The following CNTLN variants were observed in gnomAD, a reference collection of about 807,000 sequenced individuals.
The protein encoded by CNTLN is centlein.
In CNTLN, 212 loss-of-function variants were observed where a neutral mutation model predicts 180.0. The ratio of observed to expected loss-of-function variants is 1.18; its 90% CI spans 1.05 to 1.32. CNTLN has a LOEUF of 1.32. Among genes scored for constraint, CNTLN ranks in the 40% most tolerant of loss-of-function variants. The pLI, the probability that CNTLN is intolerant of heterozygous loss-of-function variation, is 0.00. For missense variants in CNTLN, 2,095 were observed against 1,610.9 expected (o/e 1.30, Z -5.14); for synonymous variants, 722 against 563.1 (o/e 1.28, Z -3.99).
At chr9:17,518,622 C>T in the CNTLN span, among the ~76,000 whole-genome samples, 4 of 152,038 alleles carry the variant, frequency 2.6e-5, no homozygotes, top group Non-Finnish European at 5.9e-5. Context: ...GTCAGCTCTC[C>T]CTCTGTCCTA....
chr9:17,512,883 C>G, the CNTLN span, among the ~76,000 whole-genome samples: 1 of 152,118 alleles, frequency 6.6e-6, no homozygotes. Context: ...GTGGCGCGAT[C>G]TCAGCTCACT....
chr9:17,353,393 T>C (rs1390649164), intron 12 of CNTLN, among the ~76,000 whole-genome samples: 1 of 151,892 alleles, frequency 6.6e-6, no homozygotes, highest in African/African-American at 2.4e-5. Context: ...TGGTCTGTTT[T>C]TGTTTTGTAT....
At chr9:17,204,803 C>G (rs1014020267) in intron 2 of CNTLN, among the ~76,000 whole-genome samples, 1 of 152,204 alleles carries the variant, frequency 6.6e-6, no homozygotes, top group Non-Finnish European at 1.5e-5. Flanking sequence ...CCCCTCCCCC[C>G]AGGTGCTCTG....
chr9:17,325,378 A>ATGTGTGTG (rs74311460), intron 8 of CNTLN, among the ~76,000 whole-genome samples: 10 of 128,174 alleles, frequency 7.8e-5, no homozygotes, highest in African/African-American at 3.0e-4. Flanking sequence ...ATGTGTATGT[A>ATGTGTGTG]TGTGTGTGTG....
At chr9:17,261,458 A>T (rs1286466855) in intron 5 of CNTLN, among the ~76,000 whole-genome samples, 1 of 151,130 alleles carries the variant, frequency 6.6e-6, no homozygotes, top group Non-Finnish European at 1.5e-5. Context: ...ATTGTGTTTG[A>T]TTTGCTTTGC....
In CNTLN at chr9:17,301,034, T is replaced by C. The variant is rs983920463; in HGVS notation, c.1146+2682T>C. On this transcript the variant is annotated intron_variant, in intron 7 of 25. Coordinates refer to ENST00000380647, the MANE Select transcript of CNTLN (RefSeq NM_017738.4). ...GTTGTAATAGTAGTAGAGGGAAATATGGGAGCATAACTGGGGGCCTGTTCC... is the reference window on the plus strand; with the variant it reads ...GTTGTAATAGTAGTAGAGGGAAATACGGGAGCATAACTGGGGGCCTGTTCC... 1.1e-5 allele frequency: 11 copies of C among 985,132 alleles called. No homozygotes were observed. In the African/African-American group the frequency reaches 1.7e-4, roughly 16 times the overall value. 61.0% of individuals were successfully genotyped at this position (985,132 alleles called of 1,614,324 possible).
In CNTLN at chr9:17,502,765, C is replaced by T. The variant is rs1833820654; in HGVS notation, c.*113C>T. The T allele has an allele frequency of 6.9e-6, 3 of 432,614 alleles. No individual in the cohort carries two copies. Among genetic ancestry groups the T allele is most frequent in the Non-Finnish European group, 1.3e-5 (3 of 237,604 alleles). 26.8% of individuals were successfully genotyped at this position (432,614 alleles called of 1,614,324 possible). On this transcript the variant is annotated 3_prime_UTR_variant, in exon 26 of 26. Transcript: ENST00000380647. Reference sequence around the variant, plus strand: ...TGCTCCAACTATCAATAGTCAGGTTCAATACCAAAATAAGAAGTCTCTGAA... The same window carrying T: ...TGCTCCAACTATCAATAGTCAGGTTTAATACCAAAATAAGAAGTCTCTGAA...
At chr9:17,247,482 C>T (rs1825861972) in intron 5 of CNTLN, among the ~76,000 whole-genome samples, 1 of 152,202 alleles carries the variant, frequency 6.6e-6, no homozygotes, top group African/African-American at 2.4e-5. Flanking sequence ...TCTGTCTCTG[C>T]ACCATGCAGC....
At chr9:17,165,925 T>A (rs1820040334) in intron 2 of CNTLN, among the ~76,000 whole-genome samples, 1 of 152,226 alleles carries the variant, frequency 6.6e-6, no homozygotes, top group Non-Finnish European at 1.5e-5. Flanking sequence ...CACTGTTAAC[T>A]ATAGAGACCT....
chr9:17,516,197 C>A, the CNTLN span, among the ~76,000 whole-genome samples: 1 of 152,164 alleles, frequency 6.6e-6, no homozygotes, highest in Admixed American at 6.5e-5. Context: ...ACATATTTCA[C>A]ATTGCACTCT....
intron 23 of CNTLN, among the ~76,000 whole-genome samples, chr9:17,479,759 A>G (rs894535877): frequency 2.6e-5 from 4 of 152,202 alleles, no homozygotes; most frequent in African/African-American, 9.6e-5. Flanking sequence ...GAAAAAGAAG[A>G]TAGAATAACA....
rs1171147561 is a variant in CNTLN, at chr9:17,288,140, C to T, written c.984-10050C>T. On this transcript the variant is annotated intron_variant, in intron 6 of 25. Coordinates refer to ENST00000380647, the MANE Select transcript of CNTLN (RefSeq NM_017738.4). ...GATCTTTCCTGCTTTCTCTTGTGGG[C>T]ATTTAGTGCTATAAATTTCCCTCTA... Among the ~76,000 whole-genome samples the T allele has an allele frequency of 3.1e-5, 4 of 128,074 alleles. 1 individual carries two copies. The highest frequency in any genetic ancestry group is 6.3e-5 in the Non-Finnish European group (4 of 63,138). 84.0% of individuals were successfully genotyped at this position (128,074 alleles called of 152,430 possible).
At chr9:17,403,286 C>G (rs1827126417) in intron 15 of CNTLN, among the ~76,000 whole-genome samples, 1 of 151,812 alleles carries the variant, frequency 6.6e-6, no homozygotes, top group Admixed American at 6.6e-5. Flanking sequence ...GCTATGGCAA[C>G]AGGTATAGCT....
At chr9:17,208,505 C>G (rs1051316178) in intron 2 of CNTLN, among the ~76,000 whole-genome samples, 1 of 152,082 alleles carries the variant, frequency 6.6e-6, no homozygotes, top group African/African-American at 2.4e-5. Flanking sequence ...TGGAAGTGTT[C>G]TCTTCCTGTT....
intron 2 of CNTLN, among the ~76,000 whole-genome samples, chr9:17,192,788 A>G (rs1821871917): frequency 6.6e-6 from 1 of 152,210 alleles, no homozygotes; most frequent in African/African-American, 2.4e-5. Context: ...ATTTATTTTA[A>G]GATCCTAGAC....
intron 8 of CNTLN, among the ~76,000 whole-genome samples, chr9:17,311,206 G>A (rs1819108769): frequency 6.6e-6 from 1 of 151,572 alleles, no homozygotes; most frequent in Non-Finnish European, 1.5e-5. Context: ...TTTATTTTTA[G>A]TATAGACGGG....
chr9:17,291,913 G>A lies in CNTLN; in HGVS notation c.984-6277G>A, dbSNP rs185738122. On this transcript the variant is annotated intron_variant, in intron 6 of 25. Transcript: ENST00000380647. Reference sequence around the variant, plus strand: ...TAGTTTCATTGGTCTTTGTACTTCAGTGTGTTTTTGCAGTGGCTAGTGGTG... The same window carrying A: ...TAGTTTCATTGGTCTTTGTACTTCAATGTGTTTTTGCAGTGGCTAGTGGTG... 1.1e-3 allele frequency among the ~76,000 whole-genome samples: 171 copies of A among 152,290 alleles called. 2 individuals carry two copies. The highest frequency in any genetic ancestry group is 3.8e-3 in the African/African-American group (157 of 41,546).
intron 18 of CNTLN, among the ~76,000 whole-genome samples, chr9:17,444,904 C>A (rs1002155275): frequency 4.6e-5 from 7 of 152,018 alleles, no homozygotes; most frequent in African/African-American, 1.7e-4. Context: ...ATGAGAAATA[C>A]CTTGAATAAT....
Position 17,416,161 on chromosome 9 carries a change from G to T in CNTLN, c.3086G>T (p.Arg1029Leu). 1 of 1,613,200 alleles carries T rather than the reference G, an allele frequency of 6.2e-7. No individual in the cohort carries two copies. The highest frequency in any genetic ancestry group is 8.5e-7 in the Non-Finnish European group (1 of 1,179,612). Residue 1029 changes from arginine to leucine, a missense_variant, in exon 18 of 26, where the codon CGA becomes CTA. Coordinates refer to ENST00000380647, the MANE Select transcript of CNTLN (RefSeq NM_017738.4). Reference sequence around the variant, plus strand: ...CATCAACAGCAAGTATCCGATCAACGATTTCAGACAAGCAGGCAGACAATA... The same window carrying T: ...CATCAACAGCAAGTATCCGATCAACTATTTCAGACAAGCAGGCAGACAATA... ...LLHQQQVSDQ[R>L]FQTSRQTIKK... is the part of the protein sequence containing the mutation.
Sources: allele counts gnomAD v4.1 joint callset (sites outside exome capture counted in the v4.1 genomes callset), GRCh38; gene constraint gnomAD v4.1.1; transcripts MANE v1.5; gene names NCBI Gene and HGNC (gene_info 2026-07-23, HGNC 2026-07-21).